Variants in CACNA1B observed in about 807,000 individuals in gnomAD.
CACNA1B encodes voltage-dependent N-type calcium channel subunit alpha-1B.
A neutral mutation model predicts 247.2 loss-of-function variants in CACNA1B; 70 were observed. That is an observed-to-expected ratio of 0.28 (90% confidence interval 0.23 to 0.35). The LOEUF (loss-of-function observed/expected upper bound fraction) is 0.35. CACNA1B is among the 10% of genes least tolerant of loss of function. CACNA1B has a pLI of 1.00. For missense variants in CACNA1B, 2,367 were observed against 3,197.4 expected, an observed-to-expected ratio of 0.74 and a Z score of 6.26; for synonymous variants, 1,231 against 1,294.4, an observed-to-expected ratio of 0.95 and a Z score of 1.05.
At chr9:138,064,247 A>G (rs1396429734) in intron 31 of CACNA1B, among the ~76,000 whole-genome samples, 1 of 152,158 alleles carries the variant, frequency 6.6e-6, no homozygotes, top group Non-Finnish European at 1.5e-5. Context: ...GGGCAGAGAA[A>G]TGGTTGCTGT....
intron 10 of CACNA1B, among the ~76,000 whole-genome samples, chr9:137,965,143 G>A (rs1392694499): frequency 6.6e-6 from 1 of 152,246 alleles, no homozygotes; most frequent in Non-Finnish European, 1.5e-5. Context: ...GGAGACCCCA[G>A]TTGGGAGGTC....
At chr9:137,983,265 A>G (rs1337544007) in intron 12 of CACNA1B, among the ~76,000 whole-genome samples, 1 of 152,228 alleles carries the variant, frequency 6.6e-6, no homozygotes, top group East Asian at 1.9e-4. Context: ...ACACACATGA[A>G]GAAGACATGG....
chr9:138,029,711 A>G (rs72769077), intron 20 of CACNA1B, among the ~76,000 whole-genome samples: 9,759 of 151,244 alleles, frequency 0.065, 414 homozygotes, highest in Non-Finnish European at 0.097. Context: ...CCCGGGTTCA[A>G]AGTGATTCTC....
At chr9:137,902,843 G>A (rs959527433) in intron 3 of CACNA1B, among the ~76,000 whole-genome samples, 1 of 152,206 alleles carries the variant, frequency 6.6e-6, no homozygotes, top group Non-Finnish European at 1.5e-5. Flanking sequence ...CCCCACGAGT[G>A]CTCACTGCAC....
At chr9:138,056,967 G>A (rs535517678) in intron 26 of CACNA1B, among the ~76,000 whole-genome samples, 5 of 122,892 alleles carry the variant, frequency 4.1e-5, no homozygotes, top group Non-Finnish European at 6.2e-5. Context: ...ACGGAGTCTC[G>A]CTCTGTTGCC....
intron 15 of CACNA1B, among the ~76,000 whole-genome samples, chr9:138,003,942 C>T (rs915001108): frequency 9.9e-5 from 15 of 152,130 alleles, no homozygotes; most frequent in Admixed American, 6.5e-4. Flanking sequence ...AGCCCTTTCA[C>T]GTTTATCAGA....
intron 6 of CACNA1B, among the ~76,000 whole-genome samples, chr9:137,948,893 T>C (rs889236141): frequency 8.3e-4 from 122 of 147,138 alleles, no homozygotes; most frequent in Admixed American, 1.3e-3. Context: ...GTGTGTCTGA[T>C]GTGTGTGGTG....
intron 39 of CACNA1B, among the ~76,000 whole-genome samples, chr9:138,111,611 A>G (rs1961632805): frequency 6.6e-6 from 1 of 152,244 alleles, no homozygotes; most frequent in African/African-American, 2.4e-5. Context: ...AGAGAATGAA[A>G]AAGGGTGACT....
At chr9:138,117,828 A>C (rs544879574) in intron 42 of CACNA1B, 118 bp from the exon 43 acceptor site, 2 of 773,982 alleles carry the variant, frequency 2.6e-6, no homozygotes, top group Admixed American at 3.3e-5. Flanking sequence ...AGGGTGGCCA[A>C]ACCCCCTGAC....
At chr9:137,923,153 A>G (rs980430371) in intron 6 of CACNA1B, among the ~76,000 whole-genome samples, 1 of 146,702 alleles carries the variant, frequency 6.8e-6, no homozygotes, top group Admixed American at 6.7e-5. Flanking sequence ...CCAGGTGTCA[A>G]TTTGTGGTGC....
chr9:137,998,170 A>G (rs2133397947), intron 15 of CACNA1B, among the ~76,000 whole-genome samples: 1 of 152,282 alleles, frequency 6.6e-6, no homozygotes, highest in Admixed American at 6.5e-5. Flanking sequence ...TTCTGGCCAC[A>G]TTCTGATGTT....
In CACNA1B at chr9:137,914,820, G is replaced by A. The variant is rs762523004; in HGVS notation, c.775+14G>A. ...CCAACAGCACAGGTGAGGCCAGGCA[G>A]CACCCTCCAGCACAGGCAAGTGCCA... On this transcript the variant is annotated intron_variant, in intron 5 of 46. Coordinates refer to ENST00000371372, the MANE Select transcript of CACNA1B (RefSeq NM_000718.4). This position sits in a 1 kb window ranked among gnomAD's most constrained non-coding sequence, Gnocchi z 4.3. 1 of 1,613,200 alleles carries A rather than the reference G, an allele frequency of 6.2e-7. No homozygotes were observed. The highest frequency in any genetic ancestry group is 8.5e-7 in the Non-Finnish European group (1 of 1,179,442).
rs1389272753 is a variant in CACNA1B, at chr9:138,006,870, C to T, written c.2078C>T (p.Thr693Ile). 1 of 1,589,286 alleles carries T rather than the reference C, an allele frequency of 6.3e-7. No individual in the cohort carries two copies. The highest frequency in any genetic ancestry group is 1.1e-5 in the South Asian group (1 of 90,366). Residue 693 changes from threonine to isoleucine, a missense_variant, in exon 16 of 47, where the codon ACA becomes ATA. Thr to Ile is a moderately conservative substitution (Grantham distance 89). Transcript: ENST00000371372. Reference sequence around the variant, plus strand: ...TCGTCCTTTTACTTCATTGTCCTGACACTGTTCGGAAACTGTATCCTTCTG... The same window carrying T: ...TCGTCCTTTTACTTCATTGTCCTGATACTGTTCGGAAACTGTATCCTTCTG... ...MFSSFYFIVL[T>I]LFGNYTLLNV...
In CACNA1B at chr9:137,914,462, C is replaced by T. The variant is rs1404938672; in HGVS notation, c.623-192C>T. Reference sequence around the variant, plus strand: ...TGCTTTGTCCCTAGGACTCTCAGCTCTGCCCTACACAAGCACTCTCTGCCC... The same window carrying T: ...TGCTTTGTCCCTAGGACTCTCAGCTTTGCCCTACACAAGCACTCTCTGCCC... On this transcript the variant is annotated intron_variant, in intron 4 of 46. Transcript: ENST00000371372. This position sits in a 1 kb window ranked among gnomAD's most constrained non-coding sequence, Gnocchi z 4.3. 6.6e-6 allele frequency among the ~76,000 whole-genome samples: 1 copy of T among 152,142 alleles called. No individual in the cohort carries two copies. The highest frequency in any genetic ancestry group is 1.5e-5 in the Non-Finnish European group (1 of 68,038).
At chr9:138,111,396 C>G (rs1277178461) in intron 39 of CACNA1B, among the ~76,000 whole-genome samples, 1 of 152,208 alleles carries the variant, frequency 6.6e-6, no homozygotes, top group Non-Finnish European at 1.5e-5. Context: ...AAGCCAGATT[C>G]AAAGGCCAGT....
Position 137,956,785 on chromosome 9 carries a change from G to C in CACNA1B, c.1201G>C (p.Ala401Pro). ...WIFKAEEVML[A>P]EEDRNAEEKS... is the part of the protein sequence containing the mutation. ...TCCCCTCGCAGAGGAAGTCATGCTGGCCGAGGAGGACAGGAATGCAGAGGA... is the reference window on the plus strand; with the variant it reads ...TCCCCTCGCAGAGGAAGTCATGCTGCCCGAGGAGGACAGGAATGCAGAGGA... Residue 401 changes from alanine to proline, a missense_variant, in exon 9 of 47, where the codon GCC becomes CCC. Physicochemically the swap from Ala to Pro is conservative, Grantham distance 27. This residue lies in a region of CACNA1B where 219 missense variants were observed against 297.6 expected (regional missense o/e 0.74). Coordinates refer to ENST00000371372, the MANE Select transcript of CACNA1B (RefSeq NM_000718.4). 1 of 1,613,810 alleles carries C rather than the reference G, an allele frequency of 6.2e-7. No homozygotes were observed. Among genetic ancestry groups the C allele is most frequent in the Non-Finnish European group, 8.5e-7 (1 of 1,179,776 alleles).
intron 37 of CACNA1B, among the ~76,000 whole-genome samples, chr9:138,099,157 A>T (rs890414744): frequency 8.5e-5 from 13 of 152,190 alleles, no homozygotes; most frequent in African/African-American, 2.9e-4. Context: ...GTGCATGTAC[A>T]TGGCTGTGTT....
intron 39 of CACNA1B, among the ~76,000 whole-genome samples, chr9:138,106,429 A>G (rs1263870203): frequency 2.6e-5 from 4 of 151,898 alleles, no homozygotes; most frequent in African/African-American, 4.8e-5. Context: ...TGCCCTGTCT[A>G]CTGGGTTATT....
Position 137,917,172 on chromosome 9 carries a change from G to A in CACNA1B, c.776-69G>A. The A allele has an allele frequency of 6.9e-7, 1 of 1,449,426 alleles. No individual in the cohort carries two copies. 89.8% of individuals were successfully genotyped at this position (1,449,426 alleles called of 1,614,324 possible). On this transcript the variant is annotated intron_variant, in intron 5 of 46. Coordinates refer to ENST00000371372, the MANE Select transcript of CACNA1B (RefSeq NM_000718.4). This position sits in a 1 kb window ranked among gnomAD's most constrained non-coding sequence, Gnocchi z 5.5. ...CTGCTGTGAGCTCTCCAGAGCCCAG[G>A]AATCCTGGTGGGGATTGGAGAGCTT...
Sources: gnomAD v4.1 joint callset for allele counts (sites outside exome capture counted in the v4.1 genomes callset) on GRCh38, gnomAD v4.1.1 for gene constraint, gnomAD v4.1.1 regional missense constraint, Gnocchi (gnomAD v3.1) non-coding constraint, MANE v1.5 for transcripts, NCBI Gene and HGNC (gene_info 2026-07-23, HGNC 2026-07-21) for gene names.